FMNL2: variants seen among roughly 807,000 people sequenced by gnomAD.
FMNL2 encodes formin like 2.
Under a neutral mutation model 130.2 loss-of-function variants are expected in FMNL2, and 51 were observed. That is an observed-to-expected ratio of 0.39 (90% confidence interval 0.31 to 0.49). The LOEUF is 0.49. FMNL2 is among the 20% of genes least tolerant of loss of function. The probability of loss-of-function intolerance (pLI) is 0.85; values close to 1 mark genes in which losing one functional copy is unlikely to be tolerated. For missense variants in FMNL2, 977 were observed against 1,316.2 expected (o/e 0.74, Z 3.99); for synonymous variants, 465 against 467.1 (o/e 1.00, Z 0.06).
intron 1 of FMNL2, among the ~76,000 whole-genome samples, chr2:152,363,677 C>T (rs1447884834): frequency 5.9e-5 from 9 of 152,094 alleles, no homozygotes; most frequent in Non-Finnish European, 1.2e-4. Flanking sequence ...TTCTCCTGCC[C>T]CAGCCTCCCA....
intron 1 of FMNL2, among the ~76,000 whole-genome samples, chr2:152,410,262 A>G (rs909440135): frequency 7.9e-5 from 12 of 152,204 alleles, no homozygotes; most frequent in Non-Finnish European, 1.3e-4. Flanking sequence ...GCAGCAGACC[A>G]GTACCTACTC....
chr2:152,437,172 A>G (rs1233870009), intron 1 of FMNL2, among the ~76,000 whole-genome samples: 1 of 152,224 alleles, frequency 6.6e-6, no homozygotes, highest in Non-Finnish European at 1.5e-5. Context: ...CAGAGGCCCC[A>G]TCTCAAAATA....
intron 1 of FMNL2, among the ~76,000 whole-genome samples, chr2:152,453,185 G>C (rs1688743619): frequency 7.1e-6 from 1 of 141,670 alleles, no homozygotes; most frequent in Non-Finnish European, 1.6e-5. Flanking sequence ...CAGGGTGACA[G>C]AGCAAGACTC....
At chr2:152,397,396 A>T (rs1685455654) in intron 1 of FMNL2, among the ~76,000 whole-genome samples, 1 of 152,212 alleles carries the variant, frequency 6.6e-6, no homozygotes, top group Admixed American at 6.5e-5. Flanking sequence ...GGGAAAAAAA[A>T]AAATGAGGTT....
At chr2:152,601,607 T>C (rs571244993) in intron 9 of FMNL2, among the ~76,000 whole-genome samples, 1 of 151,456 alleles carries the variant, frequency 6.6e-6, no homozygotes, top group East Asian at 2.0e-4. Flanking sequence ...GCCGATTGCT[T>C]TCTTAAAGTA....
chr2:152,575,592 C>T (rs1049605697), intron 7 of FMNL2, among the ~76,000 whole-genome samples: 1 of 152,124 alleles, frequency 6.6e-6, no homozygotes, highest in African/African-American at 2.4e-5. Context: ...ATTCTTTGCT[C>T]TCATATTTTA....
chr2:152,413,206 A>G (rs183620620), intron 1 of FMNL2, among the ~76,000 whole-genome samples: 38 of 152,202 alleles, frequency 2.5e-4, no homozygotes, highest in African/African-American at 8.2e-4. Context: ...CAAGGATACA[A>G]TAGAGCCAGC....
At chr2:152,582,586 A>C (rs929331963) in intron 9 of FMNL2, among the ~76,000 whole-genome samples, 2 of 152,214 alleles carry the variant, frequency 1.3e-5, no homozygotes, top group African/African-American at 4.8e-5. Context: ...CTTTAAATTC[A>C]TATTCTGGCT....
At chr2:152,520,498 G>A (rs1381077122) in intron 1 of FMNL2, among the ~76,000 whole-genome samples, 1 of 151,844 alleles carries the variant, frequency 6.6e-6, no homozygotes, top group Non-Finnish European at 1.5e-5. Context: ...AGGAGGCTGA[G>A]GCAGGACAAT....
chr2:152,640,018 C>T lies in FMNL2; in HGVS notation c.3007C>T (p.Leu1003=), dbSNP rs562203731. Residue 1003 remains leucine (L), a synonymous_variant, in exon 24 of 26, where the codon CTA becomes TTA. Coordinates refer to ENST00000288670, the MANE Select transcript of FMNL2 (RefSeq NM_052905.4). ...GGAACAAGCTCTCATGGAAAAACTC[C>T]TAGAGCAAGAAGCTCTGATGGAGCA... ...KQEQALMEKL[L]EQEALMEQQD... The T allele has an allele frequency of 8.8e-5, 137 of 1,557,196 alleles. 1 individual carries two copies. The South Asian group carries it at 1.5e-3, about 17-fold the overall frequency.
At chr2:152,340,518 T>G (rs932337953) in intron 1 of FMNL2, among the ~76,000 whole-genome samples, 1 of 152,208 alleles carries the variant, frequency 6.6e-6, no homozygotes. Context: ...GAGTTAAAAA[T>G]TGATCTGGTC....
chr2:152,641,056 G>A, intron 25 of FMNL2, 142 bp downstream of exon 25: 1 of 1,117,572 alleles, frequency 8.9e-7, no homozygotes, highest in Non-Finnish European at 1.3e-6. Context: ...GTGATGCAGA[G>A]AGGCTTTGAA....
chr2:152,618,809 T>A lies in FMNL2; in HGVS notation c.1315-37T>A, dbSNP rs376337496. 4 of 1,521,946 alleles carry A rather than the reference T, an allele frequency of 2.6e-6. No homozygotes were observed. In the East Asian group the frequency reaches 9.0e-5, roughly 34 times the overall value. 94.3% of individuals were successfully genotyped at this position (1,521,946 alleles called of 1,614,324 possible). On this transcript the variant is annotated intron_variant, in intron 13 of 25. Coordinates refer to ENST00000288670, the MANE Select transcript of FMNL2 (RefSeq NM_052905.4). ...CTGATGCTACTAAGTATGAATGTTA[T>A]GTGAAGATAAACTCTTGACCTTGGA...
At chr2:152,506,202 C>T (rs1318170709) in intron 1 of FMNL2, among the ~76,000 whole-genome samples, 2 of 152,038 alleles carry the variant, frequency 1.3e-5, no homozygotes, top group Non-Finnish European at 2.9e-5. Context: ...AAATCAATGT[C>T]CAACTGTTTT....
intron 1 of FMNL2, among the ~76,000 whole-genome samples, chr2:152,480,508 G>T (rs977739620): frequency 6.6e-6 from 1 of 150,458 alleles, no homozygotes; most frequent in African/African-American, 2.5e-5. Context: ...AGTGGCAGGT[G>T]CCTGTAATCC....
intron 1 of FMNL2, among the ~76,000 whole-genome samples, chr2:152,504,004 A>G (rs948053190): frequency 6.6e-6 from 1 of 152,216 alleles, no homozygotes; most frequent in African/African-American, 2.4e-5. Flanking sequence ...AGCCTGGTCA[A>G]CATGACAAAA....
At chr2:152,458,938 C>T (rs760702401) in intron 1 of FMNL2, among the ~76,000 whole-genome samples, 1 of 152,174 alleles carries the variant, frequency 6.6e-6, no homozygotes, top group Non-Finnish European at 1.5e-5. Context: ...CCAAACTGTG[C>T]ACCATCGTTT....
intron 6 of FMNL2, among the ~76,000 whole-genome samples, chr2:152,568,023 A>C (rs2105642949): frequency 6.6e-6 from 1 of 152,306 alleles, no homozygotes; most frequent in South Asian, 2.1e-4. Context: ...CAATTCAGGA[A>C]ACATTCTTTC....
intron 1 of FMNL2, among the ~76,000 whole-genome samples, chr2:152,425,821 C>A (rs549743452): frequency 6.6e-6 from 1 of 152,146 alleles, no homozygotes; most frequent in Non-Finnish European, 1.5e-5. Flanking sequence ...TGTTTCTAAT[C>A]AATAGTTCTT....
Sources: gnomAD v4.1 joint callset for allele counts (sites outside exome capture counted in the v4.1 genomes callset) on GRCh38, gnomAD v4.1.1 for gene constraint, MANE v1.5 for transcripts, NCBI Gene and HGNC (gene_info 2026-07-23, HGNC 2026-07-21) for gene names.